The following NAA35 variants were observed in gnomAD, a reference collection of about 807,000 sequenced individuals.
The protein encoded by NAA35 is N-alpha-acetyltransferase 35, NatC auxiliary subunit.
In NAA35, 18 loss-of-function variants were observed where a neutral mutation model predicts 101.7. The ratio of observed to expected loss-of-function variants is 0.18; its 90% CI spans 0.12 to 0.26. NAA35 has a LOEUF of 0.26. Among genes scored for constraint, NAA35 ranks in the 10% least tolerant of loss-of-function variants. The pLI, the probability that NAA35 is intolerant of heterozygous loss-of-function variation, is 1.00. For missense variants in NAA35, 601 were observed against 886.8 expected (o/e 0.68, Z 4.09); for synonymous variants, 267 against 273.1 (o/e 0.98, Z 0.22).
At chr9:85,952,193 A>G (rs796674771) in intron 2 of NAA35, among the ~76,000 whole-genome samples, 9 of 149,826 alleles carry the variant, frequency 6.0e-5, no homozygotes, top group African/African-American at 2.2e-4. Flanking sequence ...AAAATGCCAC[A>G]TTCTCAAGTC....
intron 1 of NAA35, chr9:85,941,618 C>T: frequency 1.0e-6 from 1 of 986,322 alleles, no homozygotes; most frequent in African/African-American, 1.7e-5. Context: ...GTGCCTCGGC[C>T]CTAGGCCCGG....
At chr9:85,988,072 G>T (rs994718932) in intron 11 of NAA35, among the ~76,000 whole-genome samples, 2 of 152,220 alleles carry the variant, frequency 1.3e-5, no homozygotes, top group Non-Finnish European at 2.9e-5. Context: ...GGTAATCTTT[G>T]TGTCAGTAAA....
intron 11 of NAA35, among the ~76,000 whole-genome samples, chr9:85,989,773 A>G (rs1370999241): frequency 6.6e-6 from 1 of 152,178 alleles, no homozygotes; most frequent in African/African-American, 2.4e-5. Context: ...TACTAAATAT[A>G]ATGTAACATA....
At chr9:85,971,065 T>C (rs1331494928) in intron 6 of NAA35, among the ~76,000 whole-genome samples, 4 of 152,248 alleles carry the variant, frequency 2.6e-5, no homozygotes, top group Admixed American at 6.5e-5. Context: ...CTTACTCTTA[T>C]TGGCATGTAA....
chr9:85,942,387 G>C, intron 2 of NAA35, 104 bp downstream of exon 2: 1 of 1,444,332 alleles, frequency 6.9e-7, no homozygotes, highest in South Asian at 1.4e-5. Flanking sequence ...GGTAAATGTG[G>C]TTTGTTGAGT....
At chr9:85,984,352 CAA>C (rs964862012) in intron 11 of NAA35, among the ~76,000 whole-genome samples, 2 of 152,026 alleles carry the variant, frequency 1.3e-5, no homozygotes, top group Admixed American at 6.6e-5. Flanking sequence ...AACAAACAAA[CAA>C]ACATGTAAGA....
In NAA35 at chr9:85,959,823, T is replaced by C. The variant is rs777393921; in HGVS notation, c.304T>C (p.Leu102=). The change falls in exon 5 of 23, where the codon TTG becomes CTG. Residue 102 remains leucine, a synonymous_variant. Coordinates refer to ENST00000361671, the MANE Select transcript of NAA35 (RefSeq NM_024635.4). ...CACTATTAAAATTAAAGATCTCACC[T>C]TGCCTGAACTGATAGGGATTATGGA... ...DGTIKIKDLT[L]PELIGIMDTC... is the part of the protein sequence containing the mutation. 6.2e-7 allele frequency: 1 copy of C among 1,610,866 alleles called. No homozygotes were observed. The highest frequency in any genetic ancestry group is 1.1e-5 in the South Asian group (1 of 90,410).
chr9:85,989,259 T>G (rs377267284), intron 11 of NAA35, among the ~76,000 whole-genome samples: 1 of 151,442 alleles, frequency 6.6e-6, no homozygotes, highest in Admixed American at 6.6e-5. Context: ...GATCATGAGG[T>G]CAGGAGTTTG....
intron 11 of NAA35, among the ~76,000 whole-genome samples, chr9:85,993,836 TCTCA>T (rs1831039393): frequency 6.6e-6 from 1 of 152,090 alleles, no homozygotes; most frequent in Admixed American, 6.5e-5. Flanking sequence ...TTAGATAGGG[TCTCA>T]CTCTGTCACC....
chr9:85,953,367 CAAACGGT>C (rs1001904381), intron 2 of NAA35, among the ~76,000 whole-genome samples: 3 of 152,018 alleles, frequency 2.0e-5, no homozygotes, highest in Non-Finnish European at 4.4e-5. Flanking sequence ...ATCCATTAAA[CAAACGGT>C]AACTCTTCAT....
At chr9:85,970,526 A>G (rs567614180) in intron 6 of NAA35, among the ~76,000 whole-genome samples, 1 of 152,156 alleles carries the variant, frequency 6.6e-6, no homozygotes, top group Non-Finnish European at 1.5e-5. Flanking sequence ...GGACAGATTG[A>G]CACGTGCCGG....
intron 11 of NAA35, among the ~76,000 whole-genome samples, chr9:85,981,379 A>T (rs1222838353): frequency 6.6e-6 from 1 of 152,234 alleles, no homozygotes; most frequent in African/African-American, 2.4e-5. Context: ...TATCAAAAAG[A>T]TGATGCAAAG....
At chr9:85,977,934 A>AT (rs567897071) in intron 10 of NAA35, among the ~76,000 whole-genome samples, 39 of 143,148 alleles carry the variant, frequency 2.7e-4, no homozygotes, top group South Asian at 6.5e-4. Context: ...ATTTCTTCCC[A>AT]TTTTTTTTTT....
chr9:85,966,402 A>G (rs928269703), intron 6 of NAA35, among the ~76,000 whole-genome samples: 5 of 152,244 alleles, frequency 3.3e-5, no homozygotes, highest in African/African-American at 1.2e-4. Flanking sequence ...GTGTTCAAAT[A>G]AAGTACAACA....
intron 2 of NAA35, among the ~76,000 whole-genome samples, chr9:85,950,221 G>A (rs1022102804): frequency 4.6e-5 from 7 of 152,130 alleles, no homozygotes; most frequent in Admixed American, 6.6e-5. Flanking sequence ...TGTCTATAAA[G>A]TTTAATAGTG....
intron 6 of NAA35, among the ~76,000 whole-genome samples, chr9:85,971,431 G>A (rs895162592): frequency 3.9e-5 from 6 of 152,006 alleles, no homozygotes; most frequent in East Asian, 1.9e-4. Context: ...CTGTGCTTAC[G>A]TCTCTAATTG....
At chr9:85,977,556 A>G in intron 10 of NAA35, 110 bp downstream of exon 10, 3 of 710,014 alleles carry the variant, frequency 4.2e-6, no homozygotes, top group East Asian at 2.5e-5. Context: ...TCCCAGATAT[A>G]CAGAACTCAG....
chr9:85,947,750 A>G (rs183387606), intron 2 of NAA35, among the ~76,000 whole-genome samples: 6 of 152,330 alleles, frequency 3.9e-5, no homozygotes, highest in Admixed American at 1.3e-4. Flanking sequence ...CAAAATATCA[A>G]TAATGCTGCT....
chr9:86,007,587 T>A, intron 14 of NAA35, 123 bp downstream of exon 14: 2 of 620,774 alleles, frequency 3.2e-6, no homozygotes, highest in Non-Finnish European at 5.6e-6. Flanking sequence ...TAAAGTAACT[T>A]AATAGTGTTA....
Sources: allele counts gnomAD v4.1 joint callset (sites outside exome capture counted in the v4.1 genomes callset), GRCh38; gene constraint gnomAD v4.1.1; transcripts MANE v1.5; gene names NCBI Gene and HGNC (gene_info 2026-07-23, HGNC 2026-07-21).